Variants in ADGRV1 observed in about 807,000 individuals in gnomAD.
ADGRV1 encodes the protein adhesion G protein-coupled receptor V1.
Under a neutral mutation model 596.2 loss-of-function variants are expected in ADGRV1, and 359 were observed. The observed-to-expected ratio is 0.60, with a 90% CI of 0.55 to 0.66. The LOEUF (loss-of-function observed/expected upper bound fraction) is 0.66. Ranked by LOEUF, ADGRV1 falls within the 30% of genes least tolerant of loss-of-function variation. The pLI is 0.00. For synonymous variants in ADGRV1, 2,681 were observed against 2,679.2 expected (o/e 1.00, Z -0.02); for missense variants, 7,274 against 7,575.6 (o/e 0.96, Z 1.48).
At chr5:91,068,305 C>T (rs977831981) in intron 85 of ADGRV1, among the ~76,000 whole-genome samples, 52 of 149,100 alleles carry the variant, frequency 3.5e-4, no homozygotes, top group African/African-American at 1.2e-3. Flanking sequence ...AAAAAAAAAA[C>T]AAAAAACAAA....
Position 90,756,349 on chromosome 5 carries a change from T to C in ADGRV1, c.11581-105T>C, listed in dbSNP as rs1755826320. The C allele has an allele frequency of 4.0e-6, 3 of 750,650 alleles. No individual in the cohort carries two copies. In the Admixed American group the frequency reaches 7.7e-5, roughly 19 times the overall value. The allele number at this position is 750,650 out of a possible 1,614,324, so 46.5% of individuals were successfully genotyped here. ...TATGTTTGACAGAGCTGCCCATTCC[T>C]GTGAACAAAGTCAATTATTTCCTTA... is the stretch of plus-strand genomic sequence containing the variant. On this transcript the variant is annotated intron_variant, in intron 55 of 89. Coordinates refer to ENST00000405460, the MANE Select transcript of ADGRV1 (RefSeq NM_032119.4).
intron 87 of ADGRV1, among the ~76,000 whole-genome samples, chr5:91,121,942 A>G (rs1254145964): frequency 6.6e-6 from 1 of 151,962 alleles, no homozygotes; most frequent in African/African-American, 2.4e-5. Flanking sequence ...TTTTGCTTCT[A>G]TAAAGGTCAG....
At chr5:90,930,467 G>A (rs542723546) in intron 83 of ADGRV1, among the ~76,000 whole-genome samples, 4 of 152,246 alleles carry the variant, frequency 2.6e-5, no homozygotes, top group African/African-American at 9.6e-5. Context: ...TTTATTGCCT[G>A]GGTGGTTTTG....
chr5:91,111,071 C>T (rs897554897), intron 87 of ADGRV1, among the ~76,000 whole-genome samples: 9 of 152,276 alleles, frequency 5.9e-5, no homozygotes, highest in African/African-American at 2.2e-4. Context: ...ATCCCCATGT[C>T]TTAAGCTGCT....
At chr5:90,841,062 ATT>A (rs1765385028) in intron 78 of ADGRV1, 77 bp downstream of exon 78, 1 of 971,596 alleles carries the variant, frequency 1.0e-6, no homozygotes, top group South Asian at 2.5e-5. Flanking sequence ...CCAAAATCAC[ATT>A]CTCTTTTAAC....
chr5:91,052,218 G>C (rs900164622), intron 85 of ADGRV1, among the ~76,000 whole-genome samples: 1 of 151,588 alleles, frequency 6.6e-6, no homozygotes, highest in African/African-American at 2.4e-5. Flanking sequence ...TGAAGAAAGG[G>C]AGCTACAAGA....
At position 91,105,216 on chromosome 5, in the gene ADGRV1, A is replaced by G. The variant is rs184969328; in HGVS notation, c.18432+2876A>G. Among the ~76,000 whole-genome samples, 57 of 151,976 alleles carry G rather than the reference A, an allele frequency of 3.8e-4. 1 individual carries two copies. In the East Asian group the frequency reaches 0.011, roughly 28 times the overall value. On this transcript the variant is annotated intron_variant, in intron 87 of 89. Transcript: ENST00000405460. ...TAGTATTCCATTGTGTGAATTTACC[A>G]TTTTCCCTGTCCATTCATTGGTTGT... is the stretch of plus-strand genomic sequence containing the variant.
rs139161259 is a variant in ADGRV1, at chr5:90,932,858, AAC to A, written c.17857-32551_17857-32550del. ...ACATACATATATGTATACATGTAAA[AAC>A]ACACAGCAACAAGACTGTATAAAAA... On this transcript the variant is annotated intron_variant, in intron 83 of 89. Coordinates refer to ENST00000405460, the MANE Select transcript of ADGRV1 (RefSeq NM_032119.4). Among the ~76,000 whole-genome samples the A allele has an allele frequency of 3.5e-3, 531 of 152,250 alleles. 2 individuals are homozygous for A. Among genetic ancestry groups the A allele is most frequent in the African/African-American group, 0.012 (507 of 41,550 alleles).
chr5:90,822,953 T>C (rs567495907), intron 75 of ADGRV1, among the ~76,000 whole-genome samples: 2 of 152,224 alleles, frequency 1.3e-5, no homozygotes, highest in East Asian at 1.9e-4. Flanking sequence ...TGTATAAGGG[T>C]GCTTGTGATT....
chr5:91,129,831 A>G (rs575913287), intron 87 of ADGRV1, among the ~76,000 whole-genome samples: 2 of 152,346 alleles, frequency 1.3e-5, no homozygotes, highest in South Asian at 4.1e-4. Context: ...AGTTTTTAAC[A>G]CTATTTAGTG....
chr5:90,960,154 CA>C (rs1454923792), intron 83 of ADGRV1, among the ~76,000 whole-genome samples: 1 of 113,438 alleles, frequency 8.8e-6, no homozygotes. Flanking sequence ...AAAAAAAAAA[CA>C]AAAAACAGAT....
At chr5:90,779,359 A>G (rs913133807) in intron 64 of ADGRV1, 3 of 223,702 alleles carry the variant, frequency 1.3e-5, no homozygotes, top group Non-Finnish European at 2.6e-5. Context: ...GTAGCCAGGA[A>G]GTTGAATATG....
At chr5:90,822,345 C>T (rs910885627) in intron 75 of ADGRV1, among the ~76,000 whole-genome samples, 4 of 152,184 alleles carry the variant, frequency 2.6e-5, no homozygotes, top group Admixed American at 6.5e-5. Flanking sequence ...AACCTGGTAC[C>T]TCAGATGGAA....
chr5:90,726,989 A>G (rs11749590), intron 48 of ADGRV1, among the ~76,000 whole-genome samples: 11,570 of 152,274 alleles, frequency 0.076, 603 homozygotes, highest in Non-Finnish European at 0.11. Context: ...TTCCACTATG[A>G]AACTTGTTAC....
chr5:90,912,134 C>G (rs1347105072), intron 83 of ADGRV1, among the ~76,000 whole-genome samples: 1 of 152,004 alleles, frequency 6.6e-6, no homozygotes, highest in Admixed American at 6.6e-5. Context: ...TTTTTATTAT[C>G]AGTATGATTA....
chr5:91,125,708 C>T (rs185710588), intron 87 of ADGRV1, among the ~76,000 whole-genome samples: 13 of 152,250 alleles, frequency 8.5e-5, no homozygotes, highest in Admixed American at 1.3e-4. Flanking sequence ...AAGAGTTGCA[C>T]GGCCTTAAAT....
At chr5:90,962,109 G>A (rs1474894037) in intron 83 of ADGRV1, among the ~76,000 whole-genome samples, 3 of 152,106 alleles carry the variant, frequency 2.0e-5, no homozygotes, top group African/African-American at 4.8e-5. Flanking sequence ...CTTGTTTAAG[G>A]ACCTTTAAAC....
At chr5:90,820,371 A>G (rs1251810832) in intron 75 of ADGRV1, among the ~76,000 whole-genome samples, 2 of 145,940 alleles carry the variant, frequency 1.4e-5, no homozygotes, top group Non-Finnish European at 3.0e-5. Context: ...TCTTTATCCA[A>G]TTTGCCAGTC....
chr5:90,674,419 A>G (rs1464366620), intron 23 of ADGRV1, 185 bp downstream of exon 23: 1 of 408,760 alleles, frequency 2.4e-6, no homozygotes, highest in Admixed American at 4.2e-5. Flanking sequence ...AAATATAAAG[A>G]TCAGTTTCCA....
Sources: gnomAD v4.1 joint callset for allele counts (sites outside exome capture counted in the v4.1 genomes callset) on GRCh38, gnomAD v4.1.1 for gene constraint, MANE v1.5 for transcripts, NCBI Gene and HGNC (gene_info 2026-07-23, HGNC 2026-07-21) for gene names.